The following TMEM178B variants were observed in gnomAD, a reference collection of about 807,000 sequenced individuals.
TMEM178B encodes the protein transmembrane protein 178B.
TMEM178B carries 5 observed loss-of-function variants against 31.0 expected under a neutral mutation model. The observed-to-expected ratio is 0.16, with a 90% CI of 0.08 to 0.34. The LOEUF (loss-of-function observed/expected upper bound fraction) is 0.34, where lower values mean the gene tolerates loss of function less well. Among genes scored for constraint, TMEM178B ranks in the 10% least tolerant of loss-of-function variants. The pLI, the probability that TMEM178B is intolerant of heterozygous loss-of-function variation, is 1.00. For missense variants in TMEM178B, 275 were observed against 400.3 expected (o/e 0.69, Z 2.67); for synonymous variants, 164 against 164.0 (o/e 1.00, Z 0.00).
At chr7:141,298,321 GATGGTAGTTTCTT>G (rs1798670205) in intron 2 of TMEM178B, among the ~76,000 whole-genome samples, 1 of 152,184 alleles carries the variant, frequency 6.6e-6, no homozygotes, top group Non-Finnish European at 1.5e-5. Flanking sequence ...TGTTCACTCT[GATGGTAGTTTCTT>G]TTGCTGTGCA....
intron 1 of TMEM178B, among the ~76,000 whole-genome samples, chr7:141,079,876 A>G (rs923734225): frequency 6.6e-6 from 1 of 152,250 alleles, no homozygotes; most frequent in Non-Finnish European, 1.5e-5. Context: ...CAGAAAGGTC[A>G]GATAACTTGT....
In TMEM178B at chr7:141,476,706, T is replaced by G. The variant is rs1190427785; in HGVS notation, c.*5920T>G. On this transcript the variant is annotated 3_prime_UTR_variant, in exon 4 of 4. Coordinates refer to ENST00000565468, the MANE Select transcript of TMEM178B (RefSeq NM_001195278.2). ...GTGATCCTGTTTGGGAAAAACAGAATCCTAGGTTCTAAACAAGAAAAGAAC... is the reference window on the plus strand; with the variant it reads ...GTGATCCTGTTTGGGAAAAACAGAAGCCTAGGTTCTAAACAAGAAAAGAAC... 1 of 152,184 alleles carries G rather than the reference T, an allele frequency of 6.6e-6. No individual in the cohort carries two copies. Among genetic ancestry groups the G allele is most frequent in the African/African-American group, 2.4e-5 (1 of 41,434 alleles). 9.4% of individuals were successfully genotyped at this position (152,184 alleles called of 1,614,324 possible).
chr7:141,423,949 C>T (rs1405441690), intron 2 of TMEM178B, among the ~76,000 whole-genome samples: 1 of 151,356 alleles, frequency 6.6e-6, no homozygotes, highest in Non-Finnish European at 1.5e-5. Context: ...AGTGGGATTA[C>T]AGCTGCATGC....
intron 2 of TMEM178B, among the ~76,000 whole-genome samples, chr7:141,218,979 C>T (rs1797209885): frequency 6.6e-6 from 1 of 152,160 alleles, no homozygotes; most frequent in Admixed American, 6.5e-5. Context: ...ACACCTGGTC[C>T]GTCCTCCCCC....
At chr7:141,113,228 GC>G (rs1795262697) in intron 1 of TMEM178B, among the ~76,000 whole-genome samples, 3 of 152,172 alleles carry the variant, frequency 2.0e-5, no homozygotes, top group Admixed American at 1.3e-4. Context: ...GGTTTCAGAT[GC>G]TTGTTTAACA....
At chr7:141,491,768 C>T in the TMEM178B span, among the ~76,000 whole-genome samples, 1 of 152,158 alleles carries the variant, frequency 6.6e-6, no homozygotes, top group East Asian at 1.9e-4. Flanking sequence ...TATTGTATAT[C>T]GGTTTTTTCC....
chr7:141,288,824 C>T (rs576262334), intron 2 of TMEM178B, among the ~76,000 whole-genome samples: 42 of 152,340 alleles, frequency 2.8e-4, no homozygotes, highest in Admixed American at 2.5e-3. Context: ...CCTTACCTTG[C>T]GTTCTGCTCC....
chr7:141,454,582 C>CTCTCTCCTCTCTCTCCTT (rs1210928944), intron 3 of TMEM178B, among the ~76,000 whole-genome samples: 11 of 148,548 alleles, frequency 7.4e-5, no homozygotes, highest in East Asian at 2.0e-4. Context: ...TCTCTCTCCT[C>CTCTCTCCTCTCTCTCCTT]TCTCTCCTCT....
At chr7:141,234,646 A>T (rs1182435666) in intron 2 of TMEM178B, among the ~76,000 whole-genome samples, 1 of 152,198 alleles carries the variant, frequency 6.6e-6, no homozygotes, top group Non-Finnish European at 1.5e-5. Flanking sequence ...TTCCATGCCC[A>T]TCACATTTCC....
chr7:141,231,838 A>G (rs1170995579), intron 2 of TMEM178B, among the ~76,000 whole-genome samples: 2 of 152,160 alleles, frequency 1.3e-5, no homozygotes, highest in Admixed American at 1.3e-4. Flanking sequence ...CATGTGCACG[A>G]TGTGCAGGTT....
At chr7:141,328,961 A>AT in intron 2 of TMEM178B, among the ~76,000 whole-genome samples, 1 of 152,108 alleles carries the variant, frequency 6.6e-6, no homozygotes. Flanking sequence ...CTTTCAGATC[A>AT]TTTTGATATG....
At chr7:141,233,382 G>T (rs747791514) in intron 2 of TMEM178B, among the ~76,000 whole-genome samples, 2 of 152,178 alleles carry the variant, frequency 1.3e-5, no homozygotes, top group African/African-American at 4.8e-5. Flanking sequence ...GCTGAAGGTC[G>T]AATTTCTATT....
rs114368882 is a variant in TMEM178B at position 141,480,171 on chromosome 7, G to A, written c.*9385G>A. 1 of 152,328 alleles carries A rather than the reference G, an allele frequency of 6.6e-6. No homozygotes were observed. Among genetic ancestry groups the A allele is most frequent in the African/African-American group, 2.4e-5 (1 of 41,582 alleles). The allele number at this position is 152,328 out of a possible 1,614,324, so 9.4% of individuals were successfully genotyped here. On this transcript the variant is annotated 3_prime_UTR_variant, in exon 4 of 4. Coordinates refer to ENST00000565468, the MANE Select transcript of TMEM178B (RefSeq NM_001195278.2). ...ACTTTGAAAGGACTGAGGAAGCAGA[G>A]AGCATTTGGGGACTTCACTGAAACT...
At chr7:141,203,866 G>A (rs1234291334) in intron 1 of TMEM178B, among the ~76,000 whole-genome samples, 2 of 152,198 alleles carry the variant, frequency 1.3e-5, no homozygotes, top group Non-Finnish European at 2.9e-5. Flanking sequence ...CTCTGGGATG[G>A]AGGAAACACA....
Position 141,395,645 on chromosome 7 carries a change from C to T in TMEM178B, c.497-41963C>T, listed in dbSNP as rs1229561266. Among the ~76,000 whole-genome samples, 5 of 152,110 alleles carry T rather than the reference C, an allele frequency of 3.3e-5. No individual in the cohort carries two copies. In the South Asian group the frequency reaches 6.2e-4, roughly 19 times the overall value. ...GCCAGTCTTCAGTGGTTCCAGAACC[C>T]GAGGTGATGGCGTCTGGCTCTGTCC... is the stretch of plus-strand genomic sequence containing the variant. On this transcript the variant is annotated intron_variant, in intron 2 of 3. Coordinates refer to ENST00000565468, the MANE Select transcript of TMEM178B (RefSeq NM_001195278.2).
intron 2 of TMEM178B, among the ~76,000 whole-genome samples, chr7:141,260,053 G>A (rs1032721475): frequency 1.3e-5 from 2 of 151,984 alleles, no homozygotes; most frequent in Non-Finnish European, 2.9e-5. Flanking sequence ...TCAAGACCCC[G>A]ATGTTTTATT....
chr7:141,383,410 T>A (rs561763176), intron 2 of TMEM178B, among the ~76,000 whole-genome samples: 96 of 140,834 alleles, frequency 6.8e-4, no homozygotes, highest in Middle Eastern at 7.6e-3. Context: ...GATGTTCCCC[T>A]TCCTGTGTCC....
intron 2 of TMEM178B, among the ~76,000 whole-genome samples, chr7:141,421,049 C>T (rs1341200040): frequency 1.3e-5 from 2 of 152,162 alleles, no homozygotes; most frequent in African/African-American, 4.8e-5. Context: ...ATCTCCCGTT[C>T]CCAGGACAGC....
At chr7:141,379,338 G>T (rs886223589) in intron 2 of TMEM178B, among the ~76,000 whole-genome samples, 5 of 151,802 alleles carry the variant, frequency 3.3e-5, no homozygotes, top group Non-Finnish European at 7.4e-5. Context: ...GTAAAAAGTT[G>T]GCTGGGCATG....
Sources: gnomAD v4.1 joint callset for allele counts (sites outside exome capture counted in the v4.1 genomes callset) on GRCh38, gnomAD v4.1.1 for gene constraint, MANE v1.5 for transcripts, NCBI Gene and HGNC (gene_info 2026-07-23, HGNC 2026-07-21) for gene names.